The following COLEC10 variants were observed in gnomAD, a reference collection of about 807,000 sequenced individuals.
The protein encoded by COLEC10 is collectin subfamily member 10.
COLEC10 carries 22 observed loss-of-function variants against 28.4 expected under a neutral mutation model. That is an observed-to-expected ratio of 0.78 (90% CI 0.55 to 1.11). The LOEUF (loss-of-function observed/expected upper bound fraction) is 1.11, where lower values mean the gene tolerates loss of function less well. Among genes scored for constraint, COLEC10 ranks in the 50% least tolerant of loss-of-function variants. The pLI, the probability that COLEC10 is intolerant of heterozygous loss-of-function variation, is 0.00. For missense variants in COLEC10, 361 were observed against 344.1 expected (o/e 1.05, Z -0.39); for synonymous variants, 125 against 116.1 (o/e 1.08, Z -0.49).
chr8:119,059,466 G>A (rs955032891), intron 2 of COLEC10, among the ~76,000 whole-genome samples: 3 of 151,852 alleles, frequency 2.0e-5, no homozygotes, highest in South Asian at 2.1e-4. Context: ...AAAGACCCCC[G>A]AACATTTAGT....
At chr8:118,998,187 A>G (rs901919491) in intron 1 of COLEC10, among the ~76,000 whole-genome samples, 1 of 92,742 alleles carries the variant, frequency 1.1e-5, no homozygotes, top group Admixed American at 9.8e-5. Flanking sequence ...TAAAGATTTT[A>G]TATTCCTCTA....
At chr8:119,039,233 C>G (rs1159905661) in intron 2 of COLEC10, among the ~76,000 whole-genome samples, 1 of 152,088 alleles carries the variant, frequency 6.6e-6, no homozygotes, top group Non-Finnish European at 1.5e-5. Flanking sequence ...CCAATCCCAC[C>G]CACAAACCCA....
rs1286209737 is a variant in COLEC10, at chr8:119,106,100, G to GT, written c.744dup (p.Val249CysfsTer11). 20 of 1,613,758 alleles carry GT rather than the reference G, an allele frequency of 1.2e-5. No homozygotes were observed. Among genetic ancestry groups the GT allele is most frequent in the Non-Finnish European group, 1.6e-5 (19 of 1,179,848 alleles). ...AGCGACCCCTATGGTCATGAGGACT[G>GT]TGTGGAGATGCTGAGCTCTGGCAGA... On this transcript the variant is annotated frameshift_variant, in exon 6 of 6. Transcript: ENST00000332843. LOFTEE classifies it high-confidence loss of function.
intron 1 of COLEC10, among the ~76,000 whole-genome samples, chr8:119,007,615 A>C (rs1813827817): frequency 6.6e-6 from 1 of 151,174 alleles, no homozygotes; most frequent in South Asian, 2.1e-4. Flanking sequence ...AATTGTCCAA[A>C]CTTTCAACTT....
chr8:118,971,424 C>A, the COLEC10 span, among the ~76,000 whole-genome samples: 1 of 151,970 alleles, frequency 6.6e-6, no homozygotes, highest in Non-Finnish European at 1.5e-5. Context: ...TGGTAACACA[C>A]TCAGGGTACC....
At chr8:119,060,240 C>T (rs1814830947) in intron 2 of COLEC10, among the ~76,000 whole-genome samples, 1 of 152,054 alleles carries the variant, frequency 6.6e-6, no homozygotes, top group African/African-American at 2.4e-5. Flanking sequence ...GTTTTGGAAG[C>T]TAGCAAAAGT....
intron 3 of COLEC10, among the ~76,000 whole-genome samples, chr8:119,092,400 T>C (rs891603325): frequency 1.2e-4 from 18 of 152,142 alleles, no homozygotes; most frequent in African/African-American, 4.3e-4. Flanking sequence ...AAAGCCTGAA[T>C]ATTAGAAAAC....
intron 2 of COLEC10, among the ~76,000 whole-genome samples, chr8:119,090,330 G>A (rs1815564226): frequency 6.6e-6 from 1 of 152,192 alleles, no homozygotes; most frequent in South Asian, 2.1e-4. Flanking sequence ...AAAGTTGGGA[G>A]TTGGCCTCAC....
At chr8:119,056,109 AC>A (rs1407079717) in intron 2 of COLEC10, among the ~76,000 whole-genome samples, 6 of 152,088 alleles carry the variant, frequency 3.9e-5, no homozygotes, top group African/African-American at 1.4e-4. Flanking sequence ...CCTCTTCTTT[AC>A]CCTCAATTTC....
chr8:119,065,504 T>A (rs1814936784), upstream of COLEC10, among the ~76,000 whole-genome samples: 1 of 152,108 alleles, frequency 6.6e-6, no homozygotes, highest in Non-Finnish European at 1.5e-5. Context: ...TAGTGAGTTG[T>A]ATAATTATTT....
the COLEC10 span, chr8:118,982,910 G>T: frequency 6.6e-6 from 1 of 152,294 alleles, no homozygotes; most frequent in South Asian, 2.1e-4. Context: ...CTGGCTCTTG[G>T]AGCTGTGGAT....
At chr8:119,091,907 A>G (rs1383660283) in intron 3 of COLEC10, among the ~76,000 whole-genome samples, 1 of 152,178 alleles carries the variant, frequency 6.6e-6, no homozygotes, top group Non-Finnish European at 1.5e-5. Context: ...GATCAAAATG[A>G]TACATGATTA....
At chr8:119,103,750 C>T in intron 4 of COLEC10, 50 bp from the exon 5 acceptor site, 1 of 1,087,318 alleles carries the variant, frequency 9.2e-7, no homozygotes, top group Non-Finnish European at 1.4e-6. Context: ...TTCCTTTCCA[C>T]TGGTCTGCAG....
intron 2 of COLEC10, among the ~76,000 whole-genome samples, chr8:119,022,257 A>G (rs1364281319): frequency 6.6e-6 from 1 of 152,302 alleles, no homozygotes; most frequent in South Asian, 2.1e-4. Flanking sequence ...AGATCATTTA[A>G]GGAGGGCAAA....
the COLEC10 span, among the ~76,000 whole-genome samples, chr8:118,987,908 G>A: frequency 1.3e-5 from 2 of 152,130 alleles, no homozygotes; most frequent in African/African-American, 4.8e-5. Flanking sequence ...AGCACCAACA[G>A]GTAGAGTGTG....
At chr8:119,081,978 T>G (rs1815378938) in intron 1 of COLEC10, among the ~76,000 whole-genome samples, 1 of 151,998 alleles carries the variant, frequency 6.6e-6, no homozygotes, top group Admixed American at 6.6e-5. Context: ...TCAATGAAAA[T>G]CGTTAGGAAT....
chr8:119,017,549 A>G (rs1045486276), intron 2 of COLEC10, among the ~76,000 whole-genome samples: 45 of 152,118 alleles, frequency 3.0e-4, no homozygotes, highest in African/African-American at 1.1e-3. Flanking sequence ...TGTCTTCCAC[A>G]AGTACATGTG....
intron 5 of COLEC10, among the ~76,000 whole-genome samples, chr8:119,105,431 G>A (rs56090318): frequency 8.5e-5 from 13 of 152,104 alleles, no homozygotes; most frequent in Non-Finnish European, 1.3e-4. Context: ...GGCATAAAAG[G>A]CTTGGAAGTA....
At chr8:119,060,881 T>C (rs1175039459) in intron 2 of COLEC10, among the ~76,000 whole-genome samples, 1 of 152,072 alleles carries the variant, frequency 6.6e-6, no homozygotes, top group African/African-American at 2.4e-5. Context: ...AGATGTTTTA[T>C]TAAAGTCAAT....
Sources: allele counts gnomAD v4.1 joint callset (sites outside exome capture counted in the v4.1 genomes callset), GRCh38; gene constraint gnomAD v4.1.1; transcripts MANE v1.5; gene names NCBI Gene and HGNC (gene_info 2026-07-23, HGNC 2026-07-21).